Variants in HIVEP2 observed in about 807,000 individuals in gnomAD.
HIVEP2 encodes the protein HIVEP zinc finger 2, also known as transcription factor HIVEP2.
HIVEP2 carries 14 observed loss-of-function variants against 180.7 expected under a neutral mutation model. The ratio of observed to expected loss-of-function variants is 0.08; its 90% CI spans 0.05 to 0.12. The LOEUF is 0.12. Among genes scored for constraint, HIVEP2 ranks in the 10% least tolerant of loss-of-function variants. The pLI, the probability that HIVEP2 is intolerant of heterozygous loss-of-function variation, is 1.00. For missense variants in HIVEP2, 2,579 were observed against 3,008.5 expected (o/e 0.86, Z 3.34); for synonymous variants, 1,184 against 1,136.4 (o/e 1.04, Z -0.84).
intron 1 of HIVEP2, among the ~76,000 whole-genome samples, chr6:142,842,155 G>T (rs1775382254): frequency 6.6e-6 from 1 of 152,102 alleles, no homozygotes; most frequent in Non-Finnish European, 1.5e-5. Flanking sequence ...GCTAGCTAGA[G>T]CCCTCCTCCT....
intron 2 of HIVEP2, among the ~76,000 whole-genome samples, chr6:142,820,477 G>A (rs1346357113): frequency 6.6e-6 from 1 of 152,118 alleles, no homozygotes; most frequent in African/African-American, 2.4e-5. Flanking sequence ...AGATCTGGAG[G>A]AGACCCCATG....
intron 7 of HIVEP2, among the ~76,000 whole-genome samples, chr6:142,762,858 A>G (rs969001855): frequency 1.3e-5 from 2 of 152,220 alleles, no homozygotes; most frequent in Admixed American, 1.3e-4. Context: ...CCAAACAGAA[A>G]TATTTCCAGG....
chr6:142,785,334 AAAAAAAAAAAAAG>A (rs1353426740), intron 2 of HIVEP2, among the ~76,000 whole-genome samples: 21 of 147,356 alleles, frequency 1.4e-4, no homozygotes, highest in South Asian at 4.4e-4. Flanking sequence ...AAAAAAAAAA[AAAAAAAAAAAAAG>A]AAGAAGAAGA....
At chr6:142,928,840 A>C (rs972380991) in intron 1 of HIVEP2, among the ~76,000 whole-genome samples, 3 of 152,128 alleles carry the variant, frequency 2.0e-5, no homozygotes, top group Non-Finnish European at 2.9e-5. Context: ...CCTAACTGCA[A>C]CCACTTCTTT....
intron 1 of HIVEP2, among the ~76,000 whole-genome samples, chr6:142,883,240 T>C (rs1380743024): frequency 2.0e-5 from 3 of 151,972 alleles, no homozygotes; most frequent in Admixed American, 6.6e-5. Context: ...GCATATGTAG[T>C]TACAAAAATA....
chr6:142,768,197 C>T (rs1775421499), intron 6 of HIVEP2, among the ~76,000 whole-genome samples, 185 bp downstream of exon 6: 1 of 152,106 alleles, frequency 6.6e-6, no homozygotes, highest in South Asian at 2.1e-4. Context: ...TCTTGCAAAG[C>T]AAATCCCAAA....
Position 142,771,142 on chromosome 6 carries a change from A to G in HIVEP2, c.3597T>C (p.Ser1199=), listed in dbSNP as rs748586426. The G allele has an allele frequency of 2.5e-6, 4 of 1,614,196 alleles. No homozygotes were observed. The highest frequency in any genetic ancestry group is 3.4e-6 in the Non-Finnish European group (4 of 1,180,038). Residue 1199 remains serine, a synonymous_variant, in exon 5 of 10, where the codon TCT becomes TCC. Coordinates refer to ENST00000367603, the MANE Select transcript of HIVEP2 (RefSeq NM_006734.4). This position sits in a 1 kb window ranked among gnomAD's most constrained non-coding sequence, Gnocchi z 5.4. The part of the protein sequence containing the change: ...LFPHQETIPF[S]PIQNALFQFQ... ...ACTGAAACAAGGCATTCTGGATTGGAGAAAATGGAATTGTCTCTTGATGTG... is the reference window on the plus strand; with the variant it reads ...ACTGAAACAAGGCATTCTGGATTGGGGAAAATGGAATTGTCTCTTGATGTG...
chr6:142,793,108 T>C (rs1776179624), intron 2 of HIVEP2, among the ~76,000 whole-genome samples: 1 of 152,192 alleles, frequency 6.6e-6, no homozygotes, highest in African/African-American at 2.4e-5. Flanking sequence ...TCCAAACTTT[T>C]TTCTGAGTCA....
At chr6:142,920,410 A>C (rs1194891544) in intron 1 of HIVEP2, among the ~76,000 whole-genome samples, 1 of 152,168 alleles carries the variant, frequency 6.6e-6, no homozygotes, top group African/African-American at 2.4e-5. Flanking sequence ...CCACTCTTGT[A>C]CTATCCAGAT....
At position 142,752,996 on chromosome 6, in the gene HIVEP2, A is replaced by C. The variant is rs758934606; in HGVS notation, c.*111T>G. 1.4e-4 allele frequency: 94 copies of C among 689,452 alleles called. No individual in the cohort carries two copies. Among genetic ancestry groups the C allele is most frequent in the Middle Eastern group, 5.1e-4 (2 of 3,906 alleles). The allele number at this position is 689,452 out of a possible 1,614,324, so 42.7% of individuals were successfully genotyped here. A position where few individuals can be genotyped will look rare whatever the true frequency, so the allele number is the denominator to read the frequency against. On this transcript the variant is annotated 3_prime_UTR_variant, in exon 10 of 10. Coordinates refer to ENST00000367603, the MANE Select transcript of HIVEP2 (RefSeq NM_006734.4). ...ATAACAAAAGTATATATAATAGCAA[A>C]CTACTGTAACTTAGGACAGGCATGC...
chr6:142,884,939 G>A (rs1776659324), intron 1 of HIVEP2, among the ~76,000 whole-genome samples: 1 of 150,542 alleles, frequency 6.6e-6, no homozygotes, highest in African/African-American at 2.4e-5. Context: ...AGAGGTGCAC[G>A]TTAACTTTCA....
At chr6:142,871,342 G>C (rs1027157879) in intron 1 of HIVEP2, among the ~76,000 whole-genome samples, 2 of 152,128 alleles carry the variant, frequency 1.3e-5, no homozygotes, top group African/African-American at 2.4e-5. Flanking sequence ...TAAGCCAAGC[G>C]TCAGAGTAAC....
At chr6:142,874,345 C>G (rs1442600951) in intron 1 of HIVEP2, among the ~76,000 whole-genome samples, 1 of 151,736 alleles carries the variant, frequency 6.6e-6, no homozygotes, top group Non-Finnish European at 1.5e-5. Flanking sequence ...TTTTTTTTCT[C>G]CAGCTCAGGC....
chr6:142,901,307 C>A (rs539881513), intron 1 of HIVEP2, among the ~76,000 whole-genome samples: 1 of 152,054 alleles, frequency 6.6e-6, no homozygotes, highest in Non-Finnish European at 1.5e-5. Context: ...ACACATAAAA[C>A]GTCGCATAAC....
intron 3 of HIVEP2, among the ~76,000 whole-genome samples, chr6:142,777,648 C>CAAAAAAAAAA (rs58304452): frequency 1.8e-4 from 5 of 27,708 alleles, no homozygotes; most frequent in Admixed American, 8.0e-4. Context: ...AACTCCATCT[C>CAAAAAAAAAA]AAAAAAAAAA....
chr6:142,926,200 A>G (rs1391552845), intron 1 of HIVEP2, among the ~76,000 whole-genome samples: 3 of 152,244 alleles, frequency 2.0e-5, no homozygotes, highest in African/African-American at 7.2e-5. Context: ...CTAGCAAAAT[A>G]ATATTATTAT....
At chr6:142,917,032 A>G (rs537621699) in intron 1 of HIVEP2, among the ~76,000 whole-genome samples, 1 of 152,342 alleles carries the variant, frequency 6.6e-6, no homozygotes, top group Admixed American at 6.5e-5. Context: ...TGTTAACTAT[A>G]TTTTAAATGC....
intron 1 of HIVEP2, among the ~76,000 whole-genome samples, chr6:142,920,533 C>G (rs529931116): frequency 6.6e-6 from 1 of 152,260 alleles, no homozygotes; most frequent in East Asian, 1.9e-4. Flanking sequence ...AAATCAATTC[C>G]TGAATACATC....
At chr6:142,811,736 C>T (rs1776704428) in intron 2 of HIVEP2, among the ~76,000 whole-genome samples, 1 of 152,192 alleles carries the variant, frequency 6.6e-6, no homozygotes. Flanking sequence ...TAAGTGTGTA[C>T]ACTAAGTTAA....
Sources: allele counts gnomAD v4.1 joint callset (sites outside exome capture counted in the v4.1 genomes callset), GRCh38; gene constraint gnomAD v4.1.1; non-coding constraint Gnocchi (gnomAD v3.1); transcripts MANE v1.5; gene names NCBI Gene and HGNC (gene_info 2026-07-23, HGNC 2026-07-21).